The following CNTLN variants were observed in gnomAD, a reference collection of about 807,000 sequenced individuals.
CNTLN encodes centlein.
CNTLN carries 212 observed loss-of-function variants against 180.0 expected under a neutral mutation model. The observed-to-expected ratio is 1.18, with a 90% confidence interval of 1.05 to 1.32. The LOEUF is 1.32. CNTLN is among the 40% of genes most tolerant of loss of function. The pLI is 0.00. For missense variants in CNTLN, 2,095 were observed against 1,610.9 expected (o/e 1.30, Z -5.14); for synonymous variants, 722 against 563.1 (o/e 1.28, Z -3.99).
At chr9:17,336,487 C>T (rs1821045209) in intron 10 of CNTLN, among the ~76,000 whole-genome samples, 1 of 152,170 alleles carries the variant, frequency 6.6e-6, no homozygotes, top group African/African-American at 2.4e-5. Context: ...TACACTTTGA[C>T]AGCAGCGTCC....
intron 18 of CNTLN, among the ~76,000 whole-genome samples, chr9:17,439,200 A>T (rs917229668): frequency 2.1e-4 from 32 of 152,202 alleles, no homozygotes; most frequent in Non-Finnish European, 2.9e-5. Context: ...TGTATTGATA[A>T]TATCAGTACT....
chr9:17,306,704 A>G (rs1314194212), intron 7 of CNTLN, among the ~76,000 whole-genome samples: 2 of 152,198 alleles, frequency 1.3e-5, no homozygotes, highest in African/African-American at 4.8e-5. Flanking sequence ...CTTTGTCAGC[A>G]CTTATCAGTG....
chr9:17,295,595 G>T (rs547641175), intron 6 of CNTLN, among the ~76,000 whole-genome samples: 38 of 152,224 alleles, frequency 2.5e-4, no homozygotes, highest in East Asian at 3.9e-4. Context: ...TCTTCTTGGT[G>T]GGGGGCCTCC....
intron 16 of CNTLN, among the ~76,000 whole-genome samples, chr9:17,409,738 T>C (rs1827693977): frequency 6.6e-6 from 1 of 152,142 alleles, no homozygotes; most frequent in Non-Finnish European, 1.5e-5. Context: ...AGCTCATTAT[T>C]GTTTTCAGGT....
chr9:17,297,642 C>T (rs1818044077), intron 6 of CNTLN, among the ~76,000 whole-genome samples: 1 of 152,130 alleles, frequency 6.6e-6, no homozygotes, highest in African/African-American at 2.4e-5. Context: ...ACTCTTTTAC[C>T]TCATCAGTTC....
chr9:17,508,640 G>T (rs1265691881), downstream of CNTLN, among the ~76,000 whole-genome samples: 1 of 152,180 alleles, frequency 6.6e-6, no homozygotes, highest in African/African-American at 2.4e-5. Context: ...GTCACTGAGA[G>T]TGTTATATAA....
At position 17,484,306 on chromosome 9, in the gene CNTLN, A is replaced by G. The variant is rs772759668; in HGVS notation, c.3867A>G (p.Lys1289=). The change falls in exon 24 of 26, where the codon AAA becomes AAG. Residue 1289 remains lysine, a synonymous_variant. Transcript: ENST00000380647. ...EFTTFVKALA[K]ELQNDVHVVR... ...CCAATATGTTACAGGCTTTGGCCAA[A>G]GAGTTGCAAAATGATGTCCATGTGG... is the stretch of plus-strand genomic sequence containing the variant. The G allele has an allele frequency of 6.9e-6, 11 of 1,597,846 alleles. No homozygotes were observed. In the East Asian group the frequency reaches 2.5e-4, roughly 36 times the overall value.
intron 5 of CNTLN, among the ~76,000 whole-genome samples, chr9:17,239,954 T>C (rs2132183931): frequency 6.6e-6 from 1 of 152,282 alleles, no homozygotes; most frequent in East Asian, 1.9e-4. Flanking sequence ...GTCTGTTGTA[T>C]TTTCATATGA....
chr9:17,471,898 C>T (rs1252599309), intron 23 of CNTLN, among the ~76,000 whole-genome samples: 1 of 151,874 alleles, frequency 6.6e-6, no homozygotes, highest in Non-Finnish European at 1.5e-5. Context: ...AATGCTGAGA[C>T]CCAACATGTA....
chr9:17,292,614 A>C (rs1829489156), intron 6 of CNTLN, among the ~76,000 whole-genome samples: 1 of 152,016 alleles, frequency 6.6e-6, no homozygotes, highest in Non-Finnish European at 1.5e-5. Context: ...TTATGGTTGC[A>C]TTGTGATGTT....
intron 1 of CNTLN, among the ~76,000 whole-genome samples, chr9:17,137,168 C>T (rs1817776621): frequency 6.6e-6 from 1 of 152,158 alleles, no homozygotes; most frequent in Non-Finnish European, 1.5e-5. Flanking sequence ...GATTGACATA[C>T]TCTTGGCAAA....
intron 23 of CNTLN, 100 bp from the exon 24 acceptor site, chr9:17,484,194 TA>T (rs1475618866): frequency 2.4e-5 from 22 of 920,500 alleles, no homozygotes; most frequent in Non-Finnish European, 3.5e-5. Context: ...GTAATCCTAG[TA>T]AAAAAATGAT....
intron 2 of CNTLN, among the ~76,000 whole-genome samples, chr9:17,174,271 C>G (rs1439916938): frequency 6.6e-6 from 1 of 152,104 alleles, no homozygotes; most frequent in Non-Finnish European, 1.5e-5. Context: ...CAGTTTTTGA[C>G]TATTATGAAT....
At chr9:17,446,225 A>C (rs1351115241) in intron 18 of CNTLN, among the ~76,000 whole-genome samples, 1 of 151,914 alleles carries the variant, frequency 6.6e-6, no homozygotes, top group Non-Finnish European at 1.5e-5. Flanking sequence ...GGGTCCCCTT[A>C]CTTCTTTCTC....
At chr9:17,239,156 G>A (rs1825335286) in intron 5 of CNTLN, among the ~76,000 whole-genome samples, 1 of 152,042 alleles carries the variant, frequency 6.6e-6, no homozygotes, top group African/African-American at 2.4e-5. Flanking sequence ...CTCCTCCCGA[G>A]AAGAGGCAAA....
chr9:17,295,953 T>A (rs959558296), intron 6 of CNTLN, among the ~76,000 whole-genome samples: 25 of 150,914 alleles, frequency 1.7e-4, no homozygotes, highest in Non-Finnish European at 2.8e-4. Context: ...AGTATGAGCA[T>A]CTCCCTACTC....
chr9:17,182,521 A>C (rs943227566), intron 2 of CNTLN, among the ~76,000 whole-genome samples: 1 of 152,220 alleles, frequency 6.6e-6, no homozygotes, highest in Non-Finnish European at 1.5e-5. Context: ...AAATACTTCT[A>C]ATCCATTTTC....
intron 13 of CNTLN, among the ~76,000 whole-genome samples, chr9:17,382,380 C>G (rs529067856): frequency 2.0e-5 from 3 of 152,112 alleles, no homozygotes; most frequent in Admixed American, 6.5e-5. Context: ...AACAATCAAG[C>G]CTTCGGAAAT....
chr9:17,476,754 G>A (rs1003063218), intron 23 of CNTLN, among the ~76,000 whole-genome samples: 1 of 152,176 alleles, frequency 6.6e-6, no homozygotes. Context: ...GAGGTTTAAG[G>A]AAGGAAGCCA....
Sources: gnomAD v4.1 joint callset for allele counts (sites outside exome capture counted in the v4.1 genomes callset) on GRCh38, gnomAD v4.1.1 for gene constraint, MANE v1.5 for transcripts, NCBI Gene and HGNC (gene_info 2026-07-23, HGNC 2026-07-21) for gene names.